Variants in KCNK13 observed in about 807,000 individuals in gnomAD.
KCNK13 encodes the protein potassium two pore domain channel subfamily K member 13.
KCNK13 carries 12 observed loss-of-function variants against 23.4 expected under a neutral mutation model. That is an observed-to-expected ratio of 0.51 (90% CI 0.33 to 0.83). The LOEUF (loss-of-function observed/expected upper bound fraction) is 0.83. Ranked by LOEUF, KCNK13 falls within the 40% of genes least tolerant of loss-of-function variation. The pLI is 0.02. For missense variants in KCNK13, 463 were observed against 556.3 expected (o/e 0.83, Z 1.69); for synonymous variants, 231 against 229.5 (o/e 1.01, Z -0.06).
At chr14:90,148,548 G>T (rs1409937809) in intron 1 of KCNK13, among the ~76,000 whole-genome samples, 1 of 152,090 alleles carries the variant, frequency 6.6e-6, no homozygotes, top group Non-Finnish European at 1.5e-5. Flanking sequence ...CCTTGAATGG[G>T]AAGAAGAGGG....
At chr14:90,164,156 G>A (rs1021193260) in intron 1 of KCNK13, among the ~76,000 whole-genome samples, 2 of 152,156 alleles carry the variant, frequency 1.3e-5, no homozygotes, top group South Asian at 2.1e-4. Context: ...ATGCCATTGC[G>A]TTACAATATT....
rs146611657 is a variant in KCNK13 at position 90,184,712 on chromosome 14, C to A, written c.936C>A (p.Asn312Lys). ...GAGGACTCTTGCGATCACGCAGGAACGTGGTGATGCCAGGCAGCGTCCGGA... is the reference window on the plus strand; with the variant it reads ...GAGGACTCTTGCGATCACGCAGGAAAGTGGTGATGCCAGGCAGCGTCCGGA... The part of the protein sequence containing the change: ...CQRGLLRSRR[N>K]VVMPGSVRNR... Residue 312 changes from asparagine to lysine, a missense_variant, in exon 2 of 2, where the codon AAC (asparagine) becomes AAA (lysine). Physicochemically the swap from Asn to Lys is moderately conservative, Grantham distance 94. Around this residue, in one of 3 missense-constraint regions of KCNK13, gnomAD observed 166 missense variants for 178.8 expected, o/e 0.93. Transcript: ENST00000282146. This position sits in a 1 kb window ranked among gnomAD's most constrained non-coding sequence, Gnocchi z 5.6. 1.1e-4 allele frequency: 178 copies of A among 1,614,076 alleles called. No homozygotes were observed. Among genetic ancestry groups the A allele is most frequent in the Non-Finnish European group, 1.4e-4 (161 of 1,180,052 alleles).
In KCNK13 at chr14:90,185,222, C is replaced by CTT; in HGVS notation, c.*221_*222dup. The CTT allele has an allele frequency of 2.2e-6, 1 of 464,292 alleles. No homozygotes were observed. Among genetic ancestry groups the CTT allele is most frequent in the Non-Finnish European group, 3.8e-6 (1 of 264,664 alleles). 28.8% of individuals were successfully genotyped at this position (464,292 alleles called of 1,614,324 possible). On this transcript the variant is annotated 3_prime_UTR_variant, in exon 2 of 2. Coordinates refer to ENST00000282146, the MANE Select transcript of KCNK13 (RefSeq NM_022054.4). ...CGATGCTTGTCTCCTGATCCTTATT[C>CTT]TTTAAGTCTAAATTCAGTCTTTTCA...
chr14:90,107,420 G>A (rs1889558904), intron 1 of KCNK13, among the ~76,000 whole-genome samples: 1 of 152,192 alleles, frequency 6.6e-6, no homozygotes, highest in African/African-American at 2.4e-5. Flanking sequence ...AGAACTTACG[G>A]TGAGCCGAGA....
At chr14:90,140,913 G>GC (rs1489898813) in intron 1 of KCNK13, among the ~76,000 whole-genome samples, 4 of 152,140 alleles carry the variant, frequency 2.6e-5, no homozygotes, top group African/African-American at 9.7e-5. Flanking sequence ...GGGGACCTGA[G>GC]CCCCCCACAG....
intron 1 of KCNK13, among the ~76,000 whole-genome samples, chr14:90,106,891 G>A (rs1889550393): frequency 6.6e-6 from 1 of 151,810 alleles, no homozygotes; most frequent in Non-Finnish European, 1.5e-5. Flanking sequence ...GAGTAGTGGT[G>A]CACGCCTAGT....
At chr14:90,174,246 C>T (rs961178835) in intron 1 of KCNK13, among the ~76,000 whole-genome samples, 1 of 151,950 alleles carries the variant, frequency 6.6e-6, no homozygotes, top group Admixed American at 6.6e-5. Context: ...GGAGGTGGAG[C>T]TTGCAGTGAG....
At chr14:90,178,528 G>A (rs112943707) in intron 1 of KCNK13, among the ~76,000 whole-genome samples, 4 of 151,928 alleles carry the variant, frequency 2.6e-5, no homozygotes, top group African/African-American at 9.7e-5. Context: ...GACCTCAGGT[G>A]ATCCGCCCGC....
chr14:90,167,608 G>T (rs971189688), intron 1 of KCNK13, among the ~76,000 whole-genome samples: 12 of 152,146 alleles, frequency 7.9e-5, no homozygotes, highest in Non-Finnish European at 2.9e-5. Flanking sequence ...CAATGGTTAA[G>T]GTGCCACACT....
At position 90,107,642 on chromosome 14, in the gene KCNK13, G is replaced by A. The variant is rs1889562364; in HGVS notation, c.334+45103G>A. 4 of 635,842 alleles carry A rather than the reference G, an allele frequency of 6.3e-6. No individual in the cohort carries two copies. The Admixed American group carries it at 9.4e-5, about 15-fold the overall frequency. The allele number at this position is 635,842 out of a possible 1,614,324, so 39.4% of individuals were successfully genotyped here. The stretch of plus-strand genomic sequence containing the variant: ...ATACTCATGCAATACCTACAACTGA[G>A]GATTCTTCCCAGGGGGACCGCAGCC... On this transcript the variant is annotated intron_variant, in intron 1 of 1. Transcript: ENST00000282146.
intron 1 of KCNK13, among the ~76,000 whole-genome samples, chr14:90,067,748 C>G (rs1889025645): frequency 6.6e-6 from 1 of 152,132 alleles, no homozygotes; most frequent in South Asian, 2.1e-4. Flanking sequence ...AGTAGAATGA[C>G]AGTATGTCTT....
rs1888948066 is a variant in KCNK13 at position 90,062,110 on chromosome 14, G to C, written c.-96G>C. 10 of 833,190 alleles carry C rather than the reference G, an allele frequency of 1.2e-5. No individual in the cohort carries two copies. The highest frequency in any genetic ancestry group is 1.5e-5 in the Non-Finnish European group (9 of 609,022). The allele number at this position is 833,190 out of a possible 1,614,324, so 51.6% of individuals were successfully genotyped here. On this transcript the variant is annotated 5_prime_UTR_variant, in exon 1 of 2. Coordinates refer to ENST00000282146, the MANE Select transcript of KCNK13 (RefSeq NM_022054.4). The surrounding 1 kb of genome is among the most constrained non-coding windows in gnomAD (Gnocchi z 4.5). ...GCCGGCGGTGGGGCGCCCGGGAGCT[G>C]GCTGAGCGCCGGGGCCCTTATTTCC...
At chr14:90,075,501 CAG>C (rs1294942684) in intron 1 of KCNK13, among the ~76,000 whole-genome samples, 4 of 152,092 alleles carry the variant, frequency 2.6e-5, no homozygotes, top group African/African-American at 7.2e-5. Context: ...TTTTTTGAAA[CAG>C]AGTCTGGCTC....
chr14:90,079,296 C>G (rs971050537), intron 1 of KCNK13, among the ~76,000 whole-genome samples: 1 of 151,882 alleles, frequency 6.6e-6, no homozygotes, highest in African/African-American at 2.4e-5. Flanking sequence ...CAAGGAAGTG[C>G]TCCCAGAAAA....
At chr14:90,159,576 AGTG>A (rs1890230182) in intron 1 of KCNK13, among the ~76,000 whole-genome samples, 1 of 152,234 alleles carries the variant, frequency 6.6e-6, no homozygotes, top group African/African-American at 2.4e-5. Context: ...ATTAACAGAA[AGTG>A]TTACTCAGCA....
intron 1 of KCNK13, among the ~76,000 whole-genome samples, chr14:90,178,231 CAAAAAAAAAAA>C (rs34726346): frequency 1.1e-4 from 8 of 75,074 alleles, no homozygotes; most frequent in South Asian, 1.2e-3. Flanking sequence ...TTCCTAAAAG[CAAAAAAAAAAA>C]AAAAAAAAAA....
intron 1 of KCNK13, among the ~76,000 whole-genome samples, chr14:90,133,598 CAA>C (rs35500723): frequency 0.088 from 10,326 of 117,246 alleles, 415 homozygotes; most frequent in South Asian, 0.24. Context: ...ACAAAACAGG[CAA>C]AAAAAAAAAA....
intron 1 of KCNK13, among the ~76,000 whole-genome samples, chr14:90,096,101 C>T (rs1889407010): frequency 6.6e-6 from 1 of 152,220 alleles, no homozygotes; most frequent in South Asian, 2.1e-4. Context: ...CAGGAACATC[C>T]ATGTGTTCAG....
intron 1 of KCNK13, among the ~76,000 whole-genome samples, chr14:90,100,914 G>C (rs1252856715): frequency 6.6e-6 from 1 of 151,746 alleles, no homozygotes; most frequent in Non-Finnish European, 1.5e-5. Context: ...GGCTGGTCTT[G>C]AACTCTAGGG....
Sources: allele counts gnomAD v4.1 joint callset (sites outside exome capture counted in the v4.1 genomes callset), GRCh38; gene constraint gnomAD v4.1.1; regional missense constraint gnomAD v4.1.1; non-coding constraint Gnocchi (gnomAD v3.1); transcripts MANE v1.5; gene names NCBI Gene and HGNC (gene_info 2026-07-23, HGNC 2026-07-21).